The following GALNT13 variants were observed in gnomAD, a reference collection of about 807,000 sequenced individuals.
The protein encoded by GALNT13 is UDP-GalNAc:polypeptide N-acetylgalactosaminyltransferase 13.
In GALNT13, 28 loss-of-function variants were observed where a neutral mutation model predicts 64.2. The observed-to-expected ratio is 0.44, with a 90% CI of 0.32 to 0.60. The LOEUF (loss-of-function observed/expected upper bound fraction) is 0.60. Ranked by LOEUF, GALNT13 falls within the 20% of genes least tolerant of loss-of-function variation. The pLI is 0.05. For synonymous variants in GALNT13, 214 were observed against 224.6 expected (o/e 0.95, Z 0.42); for missense variants, 577 against 669.8 (o/e 0.86, Z 1.53).
the GALNT13 span, among the ~76,000 whole-genome samples, chr2:153,751,038 T>G: frequency 6.6e-6 from 1 of 151,858 alleles, no homozygotes; most frequent in Non-Finnish European, 1.5e-5. Context: ...AGAAATTTTT[T>G]AGTTTCCTTC....
At chr2:153,932,500 G>T (rs1451667993) in intron 2 of GALNT13, among the ~76,000 whole-genome samples, 1 of 151,766 alleles carries the variant, frequency 6.6e-6, no homozygotes, top group Non-Finnish European at 1.5e-5. Flanking sequence ...TAGTTTCAAA[G>T]AATTTCTTGA....
At chr2:154,403,727 T>G (rs1238105520) in intron 10 of GALNT13, among the ~76,000 whole-genome samples, 1 of 152,140 alleles carries the variant, frequency 6.6e-6, no homozygotes, top group Non-Finnish European at 1.5e-5. Flanking sequence ...CCTTTATGTA[T>G]CTTTTTTCAT....
At chr2:154,275,865 A>G (rs1691619634) in intron 8 of GALNT13, among the ~76,000 whole-genome samples, 1 of 152,124 alleles carries the variant, frequency 6.6e-6, no homozygotes, top group Non-Finnish European at 1.5e-5. Flanking sequence ...AAGCCACAGG[A>G]ATGGAGCTAC....
chr2:153,490,097 C>T, the GALNT13 span, among the ~76,000 whole-genome samples: 1 of 152,118 alleles, frequency 6.6e-6, no homozygotes, highest in Non-Finnish European at 1.5e-5. Flanking sequence ...TAATGTGTTT[C>T]TTATTCTGTC....
At chr2:153,654,457 C>T in the GALNT13 span, among the ~76,000 whole-genome samples, 1 of 151,874 alleles carries the variant, frequency 6.6e-6, no homozygotes, top group Non-Finnish European at 1.5e-5. Context: ...TTGAAATGTA[C>T]ACTGAGTTAT....
intron 9 of GALNT13, among the ~76,000 whole-genome samples, chr2:154,338,561 G>T (rs1695581167): frequency 6.6e-6 from 1 of 152,100 alleles, no homozygotes; most frequent in Non-Finnish European, 1.5e-5. Context: ...ACCATGCAGG[G>T]CCACATGAGG....
chr2:154,076,554 A>G (rs771658922), intron 3 of GALNT13, among the ~76,000 whole-genome samples: 16 of 151,700 alleles, frequency 1.1e-4, no homozygotes, highest in Non-Finnish European at 2.2e-4. Flanking sequence ...CTCTGGTCCA[A>G]TGATAGAAGA....
chr2:153,218,243 T>C, the GALNT13 span, among the ~76,000 whole-genome samples: 1 of 152,342 alleles, frequency 6.6e-6, no homozygotes, highest in East Asian at 1.9e-4. Flanking sequence ...ATTCATTACT[T>C]GTCTTCCTGT....
At chr2:153,196,776 C>T in the GALNT13 span, among the ~76,000 whole-genome samples, 1 of 151,924 alleles carries the variant, frequency 6.6e-6, no homozygotes, top group South Asian at 2.1e-4. Context: ...GTGGTGGGCT[C>T]CAGGGGCTCC....
At chr2:153,623,112 T>G in the GALNT13 span, among the ~76,000 whole-genome samples, 1 of 152,122 alleles carries the variant, frequency 6.6e-6, no homozygotes, top group African/African-American at 2.4e-5. Context: ...TGAAATAGAC[T>G]CCTGAGACAG....
the GALNT13 span, among the ~76,000 whole-genome samples, chr2:153,410,665 A>G: frequency 6.6e-6 from 1 of 152,132 alleles, no homozygotes; most frequent in Admixed American, 6.5e-5. Flanking sequence ...AAGTTTTTCT[A>G]AAGATGTAGA....
the GALNT13 span, among the ~76,000 whole-genome samples, chr2:153,173,526 TG>T: frequency 6.6e-6 from 1 of 152,154 alleles, no homozygotes; most frequent in Non-Finnish European, 1.5e-5. Context: ...TGTGTGTATC[TG>T]TCTTGTTTTA....
the GALNT13 span, among the ~76,000 whole-genome samples, chr2:153,111,498 T>G: frequency 1.3e-5 from 2 of 151,954 alleles, no homozygotes; most frequent in Non-Finnish European, 2.9e-5. Flanking sequence ...ACAAAGAAAT[T>G]CGCCCAGTGT....
At chr2:154,105,656 T>A (rs1702575256) in intron 3 of GALNT13, among the ~76,000 whole-genome samples, 1 of 152,188 alleles carries the variant, frequency 6.6e-6, no homozygotes, top group Non-Finnish European at 1.5e-5. Flanking sequence ...ACTGTATTTA[T>A]AATAAACTTT....
At chr2:153,598,810 G>A in the GALNT13 span, among the ~76,000 whole-genome samples, 33 of 152,152 alleles carry the variant, frequency 2.2e-4, no homozygotes, top group South Asian at 2.9e-3. Context: ...AGGACTCCAA[G>A]GGCAGAAAGA....
chr2:153,539,336 G>T, the GALNT13 span, among the ~76,000 whole-genome samples: 18 of 151,906 alleles, frequency 1.2e-4, no homozygotes, highest in Non-Finnish European at 1.9e-4. Context: ...CTCCCATTCT[G>T]TAGGTTGCCT....
Position 154,208,295 on chromosome 2 carries a change from G to C in GALNT13, c.312-33735G>C, listed in dbSNP as rs138706617. ...ACAGACCTAGTTCTTGTTTTTTTGA[G>C]TCATTATGAGAAAAGCAGAACTTAG... On this transcript the variant is annotated intron_variant, in intron 4 of 12. Transcript: ENST00000392825. 2.5e-3 allele frequency among the ~76,000 whole-genome samples: 385 copies of C among 151,964 alleles called. 3 individuals carry two copies. Among genetic ancestry groups the C allele is most frequent in the African/African-American group, 9.0e-3 (372 of 41,472 alleles).
chr2:154,366,777 C>T (rs1372022849), intron 9 of GALNT13, among the ~76,000 whole-genome samples: 1 of 152,018 alleles, frequency 6.6e-6, no homozygotes, highest in African/African-American at 2.4e-5. Flanking sequence ...AAGTGATCAC[C>T]AGAGAAGAGG....
intron 3 of GALNT13, among the ~76,000 whole-genome samples, chr2:154,052,218 A>G (rs1574414725): frequency 2.0e-5 from 3 of 152,338 alleles, no homozygotes; most frequent in African/African-American, 4.8e-5. Context: ...CCTGTCCTAC[A>G]GTAGGTAATC....
Sources: gnomAD v4.1 joint callset for allele counts (sites outside exome capture counted in the v4.1 genomes callset) on GRCh38, gnomAD v4.1.1 for gene constraint, MANE v1.5 for transcripts, NCBI Gene and HGNC (gene_info 2026-07-23, HGNC 2026-07-21) for gene names.